The following NCOA2 variants were observed in gnomAD, a reference collection of about 807,000 sequenced individuals.
The protein encoded by NCOA2 is nuclear receptor coactivator 2.
NCOA2 carries 21 observed loss-of-function variants against 145.1 expected under a neutral mutation model. The ratio of observed to expected loss-of-function variants is 0.14; its 90% CI spans 0.10 to 0.21. The LOEUF (loss-of-function observed/expected upper bound fraction) is 0.21, where lower values mean the gene tolerates loss of function less well. Among genes scored for constraint, NCOA2 ranks in the 10% least tolerant of loss-of-function variants. The pLI, the probability that NCOA2 is intolerant of heterozygous loss-of-function variation, is 1.00. For synonymous variants in NCOA2, 619 were observed against 637.5 expected, an observed-to-expected ratio of 0.97 and a Z score of 0.44; for missense variants, 1,472 against 1,837.6, an observed-to-expected ratio of 0.80 and a Z score of 3.64.
At chr8:70,153,008 G>A (rs1811911511) in intron 11 of NCOA2, among the ~76,000 whole-genome samples, 1 of 152,212 alleles carries the variant, frequency 6.6e-6, no homozygotes, top group Non-Finnish European at 1.5e-5. Context: ...CAGTGAAGGT[G>A]AGCAAGAGGT....
chr8:70,373,461 T>C (rs952226565), intron 1 of NCOA2, among the ~76,000 whole-genome samples: 1 of 152,230 alleles, frequency 6.6e-6, no homozygotes. Context: ...AAAAGACTTT[T>C]GTGTTACAAA....
intron 1 of NCOA2, among the ~76,000 whole-genome samples, chr8:70,353,571 G>A (rs1022422557): frequency 2.0e-5 from 3 of 151,094 alleles, no homozygotes; most frequent in African/African-American, 7.3e-5. Flanking sequence ...GGTTTAGAAA[G>A]TTAAGTGATT....
At chr8:70,367,896 A>C (rs1239882856) in intron 1 of NCOA2, among the ~76,000 whole-genome samples, 8 of 152,220 alleles carry the variant, frequency 5.3e-5, no homozygotes. Flanking sequence ...TCTAGCCCTA[A>C]AATTCTATGA....
At chr8:70,318,909 C>T (rs1160946327) in intron 1 of NCOA2, among the ~76,000 whole-genome samples, 1 of 152,188 alleles carries the variant, frequency 6.6e-6, no homozygotes, top group Non-Finnish European at 1.5e-5. Context: ...GGTGTTTTGT[C>T]CACCCAGATG....
chr8:70,207,044 C>A (rs1190070271), intron 4 of NCOA2, among the ~76,000 whole-genome samples: 1 of 152,046 alleles, frequency 6.6e-6, no homozygotes, highest in Non-Finnish European at 1.5e-5. Flanking sequence ...AGTGAAAGCT[C>A]CAAGAAAAAG....
At chr8:70,280,840 T>C (rs947780209) in intron 2 of NCOA2, among the ~76,000 whole-genome samples, 24 of 152,212 alleles carry the variant, frequency 1.6e-4, no homozygotes, top group African/African-American at 5.8e-4. Context: ...AGGCTCTTTT[T>C]CCAAAAGAAT....
intron 2 of NCOA2, among the ~76,000 whole-genome samples, chr8:70,286,477 G>A (rs1388194532): frequency 6.6e-6 from 1 of 152,180 alleles, no homozygotes; most frequent in Non-Finnish European, 1.5e-5. Flanking sequence ...AGACTTAACC[G>A]TGAGCTACAA....
At chr8:70,265,812 T>TTGTTGTTG (rs1824522461) in intron 2 of NCOA2, among the ~76,000 whole-genome samples, 1 of 151,016 alleles carries the variant, frequency 6.6e-6, no homozygotes, top group African/African-American at 2.5e-5. Context: ...ACTTCAGTTT[T>TTGTTGTTG]TTGTTGTTGT....
chr8:70,167,620 A>G (rs1010565252), intron 6 of NCOA2, among the ~76,000 whole-genome samples: 1 of 152,190 alleles, frequency 6.6e-6, no homozygotes, highest in African/African-American at 2.4e-5. Context: ...AAATTGTTTC[A>G]TGTACATTTC....
intron 1 of NCOA2, among the ~76,000 whole-genome samples, chr8:70,353,843 T>C (rs191589328): frequency 6.6e-6 from 1 of 152,246 alleles, no homozygotes; most frequent in Admixed American, 6.5e-5. Flanking sequence ...ACATTTTAAC[T>C]CCCCATTAAG....
At chr8:70,222,988 G>A (rs926175474) in intron 2 of NCOA2, among the ~76,000 whole-genome samples, 4 of 152,114 alleles carry the variant, frequency 2.6e-5, no homozygotes, top group Admixed American at 6.5e-5. Context: ...ATATATCGAC[G>A]TCAGCTGGTG....
chr8:70,197,010 G>C (rs1450293346), intron 4 of NCOA2, among the ~76,000 whole-genome samples: 1 of 152,224 alleles, frequency 6.6e-6, no homozygotes, highest in Non-Finnish European at 1.5e-5. Flanking sequence ...TCTATGGACA[G>C]AGTGTAGAAT....
intron 2 of NCOA2, among the ~76,000 whole-genome samples, chr8:70,251,256 G>GCAAA (rs1201048782): frequency 6.6e-6 from 1 of 152,174 alleles, no homozygotes; most frequent in African/African-American, 2.4e-5. Flanking sequence ...AAAAGCTTAT[G>GCAAA]CAAACAGCAG....
At chr8:70,211,997 A>G (rs1218677987) in intron 4 of NCOA2, among the ~76,000 whole-genome samples, 1 of 151,504 alleles carries the variant, frequency 6.6e-6, no homozygotes, top group African/African-American at 2.4e-5. Flanking sequence ...AACATGTTTT[A>G]TGGTTTGAAG....
intron 4 of NCOA2, among the ~76,000 whole-genome samples, chr8:70,209,703 G>C (rs1284322298): frequency 1.3e-5 from 2 of 152,054 alleles, no homozygotes; most frequent in East Asian, 1.9e-4. Flanking sequence ...CTAGCATTAA[G>C]GTATTTTTAA....
At chr8:70,416,202 T>G in the NCOA2 span, among the ~76,000 whole-genome samples, 14 of 151,282 alleles carry the variant, frequency 9.3e-5, no homozygotes, top group South Asian at 1.2e-3. Context: ...TTTGTTTTTT[T>G]TTTTTTTCTC....
At chr8:70,333,569 A>C (rs1157578314) in intron 1 of NCOA2, among the ~76,000 whole-genome samples, 1 of 152,200 alleles carries the variant, frequency 6.6e-6, no homozygotes, top group African/African-American at 2.4e-5. Context: ...AAAAATTAAC[A>C]CAAACTTTCA....
At chr8:70,279,120 T>C (rs974837391) in intron 2 of NCOA2, among the ~76,000 whole-genome samples, 1 of 152,206 alleles carries the variant, frequency 6.6e-6, no homozygotes, top group African/African-American at 2.4e-5. Flanking sequence ...GACCTCTCGC[T>C]ATTTCTGCTG....
chr8:70,236,320 G>C (rs1487572301), intron 2 of NCOA2, among the ~76,000 whole-genome samples: 1 of 152,050 alleles, frequency 6.6e-6, no homozygotes, highest in East Asian at 1.9e-4. Context: ...CCAAGACGAA[G>C]TCTGTGCTTT....
Sources: gnomAD v4.1 joint callset for allele counts (sites outside exome capture counted in the v4.1 genomes callset) on GRCh38, gnomAD v4.1.1 for gene constraint, MANE v1.5 for transcripts, NCBI Gene and HGNC (gene_info 2026-07-23, HGNC 2026-07-21) for gene names.